The following CCDC150 variants were observed in gnomAD, a reference collection of about 807,000 sequenced individuals.
CCDC150 encodes the protein coiled-coil domain containing 150.
Under a neutral mutation model 156.5 loss-of-function variants are expected in CCDC150, and 151 were observed. That is an observed-to-expected ratio of 0.97 (90% CI 0.85 to 1.10). CCDC150 has a LOEUF of 1.10. CCDC150 is among the 50% of genes least tolerant of loss of function. The probability of loss-of-function intolerance (pLI) is 0.00; values close to 1 mark genes in which losing one functional copy is unlikely to be tolerated. For synonymous variants in CCDC150, 452 were observed against 429.4 expected, an observed-to-expected ratio of 1.05 and a Z score of -0.65; for missense variants, 1,312 against 1,268.1, an observed-to-expected ratio of 1.03 and a Z score of -0.53.
At position 196,656,647 on chromosome 2, in the gene CCDC150, C is replaced by T. The variant is rs762160681; in HGVS notation, c.191C>T (p.Ala64Val). ...TCTTTGTCCAGAGGCTATTTGGAAGCTCCAGACTGTTTAGAAGACCTGGAC... is the reference window on the plus strand; with the variant it reads ...TCTTTGTCCAGAGGCTATTTGGAAGTTCCAGACTGTTTAGAAGACCTGGAC... The part of the protein sequence containing the change: ...DFGEKRGYLE[A>V]PDCLEDLDSQ... Residue 64 changes from alanine (A) to valine (V), a missense_variant, in exon 3 of 28, where the codon GCT (alanine) becomes GTT (valine). By Grantham distance (64) the Ala-to-Val change is moderately conservative. Transcript: ENST00000389175. 1.7e-5 allele frequency: 27 copies of T among 1,608,260 alleles called. No homozygotes were observed. In the Admixed American group the frequency reaches 4.2e-4, roughly 25 times the overall value.
At chr2:196,732,272 T>A in intron 27 of CCDC150, 120 bp downstream of exon 27, 3 of 1,265,112 alleles carry the variant, frequency 2.4e-6, no homozygotes, top group Non-Finnish European at 3.3e-6. Flanking sequence ...TTCTTTAGAC[T>A]AATGCTAGGA....
At chr2:196,691,730 C>T (rs1575850189) in intron 13 of CCDC150, among the ~76,000 whole-genome samples, 1 of 151,956 alleles carries the variant, frequency 6.6e-6, no homozygotes, top group Non-Finnish European at 1.5e-5. Context: ...ATCACGAGGT[C>T]AGGAGTTTGA....
chr2:196,696,401 G>A (rs755711998), intron 14 of CCDC150, among the ~76,000 whole-genome samples: 1 of 152,154 alleles, frequency 6.6e-6, no homozygotes, highest in African/African-American at 2.4e-5. Context: ...TAAAGATTCA[G>A]CCATGTCCTT....
intron 2 of CCDC150, among the ~76,000 whole-genome samples, chr2:196,649,787 CT>C (rs1238328439): frequency 1.3e-5 from 2 of 152,038 alleles, no homozygotes; most frequent in African/African-American, 4.8e-5. Flanking sequence ...TTCTTAATTT[CT>C]TTTTCAGATA....
intron 15 of CCDC150, among the ~76,000 whole-genome samples, chr2:196,704,354 T>A (rs1696442808): frequency 6.6e-6 from 1 of 152,184 alleles, no homozygotes; most frequent in Non-Finnish European, 1.5e-5. Flanking sequence ...ATCGGCTAGT[T>A]CTTAATTGCT....
chr2:196,684,429 G>C (rs1452045546), intron 13 of CCDC150, among the ~76,000 whole-genome samples: 1 of 152,036 alleles, frequency 6.6e-6, no homozygotes, highest in African/African-American at 2.4e-5. Flanking sequence ...CATGATATCA[G>C]TCCTTTCAGA....
chr2:196,688,325 G>A (rs1417767115), intron 13 of CCDC150, among the ~76,000 whole-genome samples: 1 of 152,100 alleles, frequency 6.6e-6, no homozygotes, highest in Non-Finnish European at 1.5e-5. Flanking sequence ...CTACCTAGTA[G>A]CTGTATTCCT....
chr2:196,677,379 T>C lies in CCDC150; in HGVS notation c.1509+18T>C. The C allele has an allele frequency of 6.9e-7, 1 of 1,447,758 alleles. No individual in the cohort carries two copies. The highest frequency in any genetic ancestry group is 9.5e-7 in the Non-Finnish European group (1 of 1,051,132). 89.7% of individuals were successfully genotyped at this position (1,447,758 alleles called of 1,614,324 possible). On this transcript the variant is annotated intron_variant, in intron 13 of 27. Coordinates refer to ENST00000389175, the MANE Select transcript of CCDC150 (RefSeq NM_001080539.2). ...AAAACAAGGTATTCTTCATTTTACT[T>C]ACTGATATTTCACTATATTTCCTTC...
intron 1 of CCDC150, among the ~76,000 whole-genome samples, chr2:196,645,341 AC>A (rs957567047): frequency 1.3e-5 from 2 of 152,020 alleles, no homozygotes; most frequent in East Asian, 1.9e-4. Context: ...CATGAGGTGG[AC>A]CCCCCTTTCA....
chr2:196,732,602 C>A lies in CCDC150; in HGVS notation c.*40C>A. On this transcript the variant is annotated 3_prime_UTR_variant, in exon 28 of 28. Transcript: ENST00000389175. ...GAGCTTCTTTATGTGTAGCTACACTCCATGATTCCAAGAGCCCAGCAGCCG... is the reference window on the plus strand; with the variant it reads ...GAGCTTCTTTATGTGTAGCTACACTACATGATTCCAAGAGCCCAGCAGCCG... The A allele has an allele frequency of 7.4e-7, 1 of 1,345,732 alleles. No homozygotes were observed. Among genetic ancestry groups the A allele is most frequent in the South Asian group, 1.2e-5 (1 of 85,438 alleles). 83.4% of individuals were successfully genotyped at this position (1,345,732 alleles called of 1,614,324 possible). A position where few individuals can be genotyped will look rare whatever the true frequency, so the allele number is the denominator to read the frequency against.
chr2:196,680,860 G>T (rs1181992338), intron 13 of CCDC150, among the ~76,000 whole-genome samples: 1 of 152,144 alleles, frequency 6.6e-6, no homozygotes, highest in Admixed American at 6.5e-5. Context: ...GAGTTCCAGT[G>T]TCTCCACATC....
At chr2:196,676,105 G>A (rs375060994) in intron 10 of CCDC150, 38 bp from the exon 11 acceptor site, 5 of 1,609,234 alleles carry the variant, frequency 3.1e-6, no homozygotes, top group East Asian at 4.5e-5. Context: ...AAAAGACTTT[G>A]TGGAGCTTCA....
rs1270493086 is a variant in CCDC150 at position 196,676,608 on chromosome 2, A to G, written c.1317A>G (p.Glu439=). The change falls in exon 12 of 28, where the codon GAA becomes GAG. Residue 439 remains glutamate, a synonymous_variant. Coordinates refer to ENST00000389175, the MANE Select transcript of CCDC150 (RefSeq NM_001080539.2). ...NQCIQKAQDA[E]KRTAVQKELL... ...GTATCCAGAAAGCACAGGATGCTGA[A>G]AAGAGAACAGCTGTGCAAAAAGAGC... The G allele has an allele frequency of 6.2e-7, 1 of 1,613,812 alleles. No individual in the cohort carries two copies.
rs1175523117 is a variant in CCDC150, at chr2:196,656,670, G to T, written c.214G>T (p.Asp72Tyr). The change falls in exon 3 of 28, where the codon GAC (aspartate) becomes TAC (tyrosine). Residue 72 changes from aspartate (D) to tyrosine (Y), a missense_variant. Coordinates refer to ENST00000389175, the MANE Select transcript of CCDC150 (RefSeq NM_001080539.2). The part of the protein sequence containing the change: ...LEAPDCLEDL[D>Y]SQKVISPIQN... ...AGCTCCAGACTGTTTAGAAGACCTG[G>T]ACAGCCAGAAAGTCATTAGTCCTAT... 1.2e-6 allele frequency: 2 copies of T among 1,612,666 alleles called. No individual in the cohort carries two copies. Among genetic ancestry groups the T allele is most frequent in the African/African-American group, 2.7e-5 (2 of 74,882 alleles).
chr2:196,729,752 C>A, intron 23 of CCDC150, 41 bp from the exon 24 acceptor site: 1 of 1,361,290 alleles, frequency 7.3e-7, no homozygotes, highest in South Asian at 1.3e-5. Context: ...GCCAGTTTTT[C>A]CACTGATCAT....
intron 1 of CCDC150, among the ~76,000 whole-genome samples, chr2:196,644,553 A>G (rs1692422429): frequency 3.3e-5 from 5 of 150,806 alleles, no homozygotes; most frequent in Admixed American, 2.0e-4. Context: ...TCTCCACATC[A>G]GTTTTTTTTT....
chr2:196,719,949 C>T (rs931693279), intron 19 of CCDC150, among the ~76,000 whole-genome samples: 1 of 152,128 alleles, frequency 6.6e-6, no homozygotes, highest in African/African-American at 2.4e-5. Context: ...TTGCTTTCTG[C>T]ACCATGTAAA....
At chr2:196,696,621 A>G (rs561407302) in intron 14 of CCDC150, among the ~76,000 whole-genome samples, 8 of 152,310 alleles carry the variant, frequency 5.3e-5, no homozygotes, top group African/African-American at 1.9e-4. Context: ...AGATAACGCA[A>G]TTCTAGCTTG....
At chr2:196,653,430 A>T (rs1692995422) in intron 2 of CCDC150, among the ~76,000 whole-genome samples, 1 of 152,192 alleles carries the variant, frequency 6.6e-6, no homozygotes, top group Admixed American at 6.5e-5. Context: ...TTAAATCCAG[A>T]TTTCCACAGA....
Sources: gnomAD v4.1 joint callset for allele counts (sites outside exome capture counted in the v4.1 genomes callset) on GRCh38, gnomAD v4.1.1 for gene constraint, MANE v1.5 for transcripts, NCBI Gene and HGNC (gene_info 2026-07-23, HGNC 2026-07-21) for gene names.